SLC44A5: variants seen among roughly 807,000 people sequenced by gnomAD.
The protein encoded by SLC44A5 is choline transporter-like protein 5.
SLC44A5 carries 57 observed loss-of-function variants against 101.8 expected under a neutral mutation model. The ratio of observed to expected loss-of-function variants is 0.56; its 90% CI spans 0.45 to 0.70. The LOEUF is 0.70. SLC44A5 is among the 30% of genes least tolerant of loss of function. The pLI is 0.00. For missense variants in SLC44A5, 737 were observed against 853.1 expected, an observed-to-expected ratio of 0.86 and a Z score of 1.70; for synonymous variants, 281 against 290.9, an observed-to-expected ratio of 0.97 and a Z score of 0.35.
intron 3 of SLC44A5, among the ~76,000 whole-genome samples, chr1:75,388,146 G>A (rs1225548086): frequency 7.1e-6 from 1 of 141,016 alleles, no homozygotes; most frequent in East Asian, 2.2e-4. Context: ...CACCAGCATG[G>A]CACATGTATA....
chr1:75,682,357 C>T, the SLC44A5 span, among the ~76,000 whole-genome samples: 16 of 151,990 alleles, frequency 1.1e-4, no homozygotes, highest in African/African-American at 3.9e-4. Context: ...TCAAACTATA[C>T]TACAAGGCTA....
chr1:75,613,729 A>G (rs1489230858), upstream of SLC44A5, among the ~76,000 whole-genome samples: 2 of 152,266 alleles, frequency 1.3e-5, no homozygotes, highest in African/African-American at 4.8e-5. Context: ...TTCCAGAGAA[A>G]CTGTTAACAC....
chr1:75,300,733 T>A, intron 4 of SLC44A5, 48 bp from the exon 5 acceptor site: 1 of 1,229,184 alleles, frequency 8.1e-7, no homozygotes, highest in Non-Finnish European at 1.1e-6. Flanking sequence ...CCCAAATGAC[T>A]TCCTGTTTCC....
chr1:75,505,977 A>C (rs1669231543), intron 2 of SLC44A5, among the ~76,000 whole-genome samples: 2 of 152,204 alleles, frequency 1.3e-5, no homozygotes, highest in South Asian at 4.1e-4. Flanking sequence ...GGTTTTTTAT[A>C]GTTTGAGGTT....
chr1:75,290,418 G>A (rs551824959), intron 5 of SLC44A5, among the ~76,000 whole-genome samples: 1 of 152,302 alleles, frequency 6.6e-6, no homozygotes, highest in African/African-American at 2.4e-5. Flanking sequence ...AGGAGTTGAT[G>A]TAGAACCCAG....
At chr1:75,357,546 G>C (rs1659171867) in intron 3 of SLC44A5, among the ~76,000 whole-genome samples, 1 of 152,080 alleles carries the variant, frequency 6.6e-6, no homozygotes, top group African/African-American at 2.4e-5. Context: ...TGCTTAAAGA[G>C]GAAACACAAA....
At chr1:75,713,733 T>C in the SLC44A5 span, among the ~76,000 whole-genome samples, 1 of 152,184 alleles carries the variant, frequency 6.6e-6, no homozygotes, top group Non-Finnish European at 1.5e-5. Flanking sequence ...AAAATGATCT[T>C]GATGTTATTA....
chr1:75,587,925 G>C (rs955931822), intron 1 of SLC44A5, among the ~76,000 whole-genome samples: 2 of 151,932 alleles, frequency 1.3e-5, no homozygotes, highest in African/African-American at 2.4e-5. Context: ...CTCTCTCTCT[G>C]TTTCCTTGCT....
chr1:75,614,912 G>A (rs1192184080), upstream of SLC44A5, among the ~76,000 whole-genome samples: 1 of 152,092 alleles, frequency 6.6e-6, no homozygotes, highest in African/African-American at 2.4e-5. Flanking sequence ...CCCCCAGCGA[G>A]AGCTAGGGAG....
At chr1:75,691,486 G>T in the SLC44A5 span, among the ~76,000 whole-genome samples, 1 of 152,164 alleles carries the variant, frequency 6.6e-6, no homozygotes, top group East Asian at 1.9e-4. Context: ...TTGAGACAAG[G>T]ATTAGAGGCA....
At chr1:75,247,890 A>G (rs947726455) in intron 7 of SLC44A5, among the ~76,000 whole-genome samples, 2 of 151,990 alleles carry the variant, frequency 1.3e-5, no homozygotes, top group Non-Finnish European at 2.9e-5. Flanking sequence ...AGATAGATAA[A>G]TGTGGACTAT....
chr1:75,453,909 T>C (rs1305051036), intron 2 of SLC44A5, among the ~76,000 whole-genome samples: 1 of 151,948 alleles, frequency 6.6e-6, no homozygotes, highest in African/African-American at 2.4e-5. Context: ...AGTAATGAAA[T>C]AGCTACCAAT....
chr1:75,324,964 G>A (rs1316787078), intron 4 of SLC44A5, among the ~76,000 whole-genome samples: 2 of 152,130 alleles, frequency 1.3e-5, no homozygotes, highest in African/African-American at 4.8e-5. Flanking sequence ...AATATTTAGT[G>A]AGCATTTATT....
At chr1:75,271,664 G>T (rs578038491) in intron 6 of SLC44A5, among the ~76,000 whole-genome samples, 1 of 152,114 alleles carries the variant, frequency 6.6e-6, no homozygotes, top group Non-Finnish European at 1.5e-5. Flanking sequence ...TTTTATGGCT[G>T]AGTAGTATTC....
chr1:75,367,413 T>C (rs550528985), intron 3 of SLC44A5, among the ~76,000 whole-genome samples: 344 of 152,332 alleles, frequency 2.3e-3, no homozygotes, highest in African/African-American at 7.8e-3. Context: ...AAGGATCATA[T>C]GCTTCAGGAT....
chr1:75,613,706 T>C (rs1005602444), upstream of SLC44A5, among the ~76,000 whole-genome samples: 10 of 152,254 alleles, frequency 6.6e-5, no homozygotes, highest in African/African-American at 2.4e-4. Flanking sequence ...TAAGAAAGCT[T>C]GATTATTAAT....
intron 1 of SLC44A5, among the ~76,000 whole-genome samples, chr1:75,568,579 G>C (rs1240192607): frequency 6.6e-6 from 1 of 151,922 alleles, no homozygotes; most frequent in Non-Finnish European, 1.5e-5. Flanking sequence ...ATTTTTCCTT[G>C]CTTTTCTATT....
intron 11 of SLC44A5, among the ~76,000 whole-genome samples, chr1:75,236,514 A>G (rs944676045): frequency 6.6e-6 from 1 of 152,044 alleles, no homozygotes; most frequent in Admixed American, 6.6e-5. Flanking sequence ...CATAACTACA[A>G]TGACTTCTGG....
chr1:75,543,562 G>C (rs1254793479), intron 1 of SLC44A5, among the ~76,000 whole-genome samples: 1 of 147,756 alleles, frequency 6.8e-6, no homozygotes, highest in African/African-American at 2.5e-5. Context: ...TTCCAGTGAG[G>C]CTAGAAAAGT....
Sources: allele counts gnomAD v4.1 joint callset (sites outside exome capture counted in the v4.1 genomes callset), GRCh38; gene constraint gnomAD v4.1.1; transcripts MANE v1.5; gene names NCBI Gene and HGNC (gene_info 2026-07-23, HGNC 2026-07-21).